SUGCT: variants seen among roughly 807,000 people sequenced by gnomAD.
SUGCT encodes succinyl-CoA:glutarate CoA-transferase.
A neutral mutation model predicts 55.0 loss-of-function variants in SUGCT; 41 were observed. The observed-to-expected ratio is 0.74, with a 90% CI of 0.58 to 0.97. The LOEUF (loss-of-function observed/expected upper bound fraction) is 0.97, where lower values mean the gene tolerates loss of function less well. Among genes scored for constraint, SUGCT ranks in the 50% least tolerant of loss-of-function variants. The pLI, the probability that SUGCT is intolerant of heterozygous loss-of-function variation, is 0.00. For missense variants in SUGCT, 568 were observed against 547.8 expected (o/e 1.04, Z -0.37); for synonymous variants, 187 against 200.4 (o/e 0.93, Z 0.56).
At chr7:40,929,253 T>C in the SUGCT span, among the ~76,000 whole-genome samples, 1 of 152,184 alleles carries the variant, frequency 6.6e-6, no homozygotes, top group African/African-American at 2.4e-5. Flanking sequence ...GGACATGAAC[T>C]CATTCTTTTT....
At chr7:40,257,090 G>A (rs987016385) in intron 7 of SUGCT, among the ~76,000 whole-genome samples, 3 of 151,868 alleles carry the variant, frequency 2.0e-5, no homozygotes, top group African/African-American at 7.3e-5. Context: ...TGTCGTCCAG[G>A]CTGGAGTGCA....
chr7:40,382,036 A>G (rs937781816), intron 9 of SUGCT, among the ~76,000 whole-genome samples: 2 of 150,434 alleles, frequency 1.3e-5, no homozygotes, highest in Non-Finnish European at 3.0e-5. Context: ...TGTGTGTGTA[A>G]CTCTAGGAAT....
At chr7:40,268,274 C>T (rs910701664) in intron 7 of SUGCT, among the ~76,000 whole-genome samples, 2 of 152,204 alleles carry the variant, frequency 1.3e-5, no homozygotes, top group African/African-American at 2.4e-5. Flanking sequence ...TGCCTCCGCC[C>T]AGCCCCTGGC....
intron 9 of SUGCT, among the ~76,000 whole-genome samples, chr7:40,353,110 A>G (rs1439571360): frequency 6.6e-6 from 1 of 152,092 alleles, no homozygotes; most frequent in East Asian, 1.9e-4. Flanking sequence ...CCACTTTTTA[A>G]TGGGGTTGTT....
intron 9 of SUGCT, among the ~76,000 whole-genome samples, chr7:40,327,601 A>G (rs1268813128): frequency 6.6e-6 from 1 of 152,234 alleles, no homozygotes; most frequent in Admixed American, 6.5e-5. Flanking sequence ...GCTAAGAGGT[A>G]AAATAGAAGG....
At chr7:40,378,798 A>G (rs1784729901) in intron 9 of SUGCT, among the ~76,000 whole-genome samples, 1 of 152,154 alleles carries the variant, frequency 6.6e-6, no homozygotes, top group South Asian at 2.1e-4. Context: ...TTAGTTCTTT[A>G]GGACATGCTT....
chr7:40,662,084 A>G (rs1454396244), intron 12 of SUGCT, among the ~76,000 whole-genome samples: 1 of 152,196 alleles, frequency 6.6e-6, no homozygotes, highest in African/African-American at 2.4e-5. Context: ...CCCCAAAGCA[A>G]GCTTTTCTCT....
intron 12 of SUGCT, among the ~76,000 whole-genome samples, chr7:40,638,531 A>G (rs1040991938): frequency 9.2e-5 from 14 of 152,186 alleles, no homozygotes; most frequent in Admixed American, 5.9e-4. Flanking sequence ...ACATGTTCCA[A>G]GGTGTTAAAA....
intron 13 of SUGCT, among the ~76,000 whole-genome samples, chr7:40,798,471 A>T (rs1038407333): frequency 6.6e-6 from 1 of 152,210 alleles, no homozygotes; most frequent in Admixed American, 6.5e-5. Flanking sequence ...ATATTGAGAA[A>T]TTTTTATAAG....
chr7:40,757,833 A>G (rs1032992499), intron 13 of SUGCT, among the ~76,000 whole-genome samples: 34 of 152,162 alleles, frequency 2.2e-4, no homozygotes, highest in African/African-American at 8.2e-4. Context: ...AGAAATTTTC[A>G]TCAGTTCTTG....
At chr7:41,020,177 T>G in the SUGCT span, among the ~76,000 whole-genome samples, 2 of 152,174 alleles carry the variant, frequency 1.3e-5, no homozygotes, top group Admixed American at 1.3e-4. Flanking sequence ...CCACAAAATA[T>G]CAAATATATG....
intron 8 of SUGCT, among the ~76,000 whole-genome samples, chr7:40,310,961 T>C (rs2151097393): frequency 6.6e-6 from 1 of 152,298 alleles, no homozygotes; most frequent in African/African-American, 2.4e-5. Flanking sequence ...TTAAATACTT[T>C]CTATAGGCTG....
chr7:40,722,167 A>G (rs1786375166), intron 12 of SUGCT, among the ~76,000 whole-genome samples: 1 of 152,100 alleles, frequency 6.6e-6, no homozygotes, highest in Non-Finnish European at 1.5e-5. Context: ...ACATTTTGCT[A>G]CCAGTCAACT....
At chr7:40,909,674 C>T in the SUGCT span, among the ~76,000 whole-genome samples, 46 of 152,144 alleles carry the variant, frequency 3.0e-4, 1 homozygote, top group Admixed American at 1.3e-4. Flanking sequence ...CTCATTATTA[C>T]CTGTTTCCAG....
At chr7:40,901,320 G>A in the SUGCT span, among the ~76,000 whole-genome samples, 2 of 152,186 alleles carry the variant, frequency 1.3e-5, no homozygotes, top group African/African-American at 4.8e-5. Context: ...GTTTTCTCAC[G>A]AAGATCCTTT....
At chr7:40,695,347 G>A (rs1405463969) in intron 12 of SUGCT, among the ~76,000 whole-genome samples, 1 of 151,790 alleles carries the variant, frequency 6.6e-6, no homozygotes, top group Non-Finnish European at 1.5e-5. Context: ...ACAGGCACGT[G>A]CCACCATGCC....
intron 6 of SUGCT, among the ~76,000 whole-genome samples, chr7:40,214,348 A>G (rs2150802818): frequency 6.6e-6 from 1 of 152,300 alleles, no homozygotes. Flanking sequence ...GTCACTGTTC[A>G]TCACTTTATA....
intron 12 of SUGCT, among the ~76,000 whole-genome samples, chr7:40,746,878 T>G (rs921297469): frequency 1.3e-5 from 2 of 152,186 alleles, no homozygotes; most frequent in African/African-American, 4.8e-5. Flanking sequence ...AGCACTGCAG[T>G]GTTATTACAA....
intron 9 of SUGCT, among the ~76,000 whole-genome samples, chr7:40,328,719 ATGTG>A (rs928260446): frequency 1.3e-5 from 2 of 150,912 alleles, no homozygotes; most frequent in Non-Finnish European, 2.9e-5. Flanking sequence ...GTACATGTGT[ATGTG>A]TGTGTGTATG....
Sources: allele counts gnomAD v4.1 joint callset (sites outside exome capture counted in the v4.1 genomes callset), GRCh38; gene constraint gnomAD v4.1.1; transcripts MANE v1.5; gene names NCBI Gene and HGNC (gene_info 2026-07-23, HGNC 2026-07-21).